Variants in NFXL1 observed in about 807,000 individuals in gnomAD.
NFXL1 encodes the protein NF-X1-type zinc finger protein NFXL1.
NFXL1 carries 66 observed loss-of-function variants against 123.3 expected under a neutral mutation model. The observed-to-expected ratio is 0.54, with a 90% CI of 0.44 to 0.66. NFXL1 has a LOEUF of 0.66. NFXL1 is among the 30% of genes least tolerant of loss of function. The pLI, the probability that NFXL1 is intolerant of heterozygous loss-of-function variation, is 0.00. For missense variants in NFXL1, 944 were observed against 1,125.6 expected (o/e 0.84, Z 2.31); for synonymous variants, 346 against 360.8 (o/e 0.96, Z 0.46).
At chr4:47,908,873 T>C (rs1328104534) in intron 3 of NFXL1, among the ~76,000 whole-genome samples, 1 of 145,654 alleles carries the variant, frequency 6.9e-6, no homozygotes, top group Admixed American at 7.2e-5. Flanking sequence ...GAGATTGGCA[T>C]GAACCCGGGT....
At chr4:47,902,235 A>C (rs1446549727) in intron 5 of NFXL1, among the ~76,000 whole-genome samples, 1 of 152,208 alleles carries the variant, frequency 6.6e-6, no homozygotes, top group East Asian at 1.9e-4. Context: ...ATTAGTTACT[A>C]AAGTTACAAA....
At chr4:47,901,463 T>TA (rs1348113850) in intron 5 of NFXL1, among the ~76,000 whole-genome samples, 2 of 151,882 alleles carry the variant, frequency 1.3e-5, no homozygotes, top group African/African-American at 4.8e-5. Flanking sequence ...AGAGCGAGGG[T>TA]AAAAAAATAT....
At position 47,856,075 on chromosome 4, in the gene NFXL1, T is replaced by C. The variant is rs76009941; in HGVS notation, c.2317-912A>G. 1.9e-3 allele frequency among the ~76,000 whole-genome samples: 289 copies of C among 152,256 alleles called. 1 individual carries two copies. Among genetic ancestry groups the C allele is most frequent in the African/African-American group, 6.5e-3 (270 of 41,574 alleles). On this transcript the variant is annotated intron_variant, in intron 19 of 22. Transcript: ENST00000507489. Reference sequence around the variant, plus strand: ...AACAATTTTTTTTAGGCACTTCATATATTTCTGTCTCTCCAACCCTAACAA... The same window carrying C: ...AACAATTTTTTTTAGGCACTTCATACATTTCTGTCTCTCCAACCCTAACAA...
At chr4:47,869,598 C>T (rs1735307377) in intron 18 of NFXL1, among the ~76,000 whole-genome samples, 1 of 151,842 alleles carries the variant, frequency 6.6e-6, no homozygotes, top group East Asian at 1.9e-4. Context: ...ATGGAATATA[C>T]CTAAAGCAAT....
intron 19 of NFXL1, among the ~76,000 whole-genome samples, chr4:47,857,042 T>C (rs1734454667): frequency 6.6e-6 from 1 of 152,206 alleles, no homozygotes; most frequent in African/African-American, 2.4e-5. Context: ...GGTAATTACA[T>C]TAGTCATTTT....
At chr4:47,874,617 T>C (rs995648098) in intron 18 of NFXL1, among the ~76,000 whole-genome samples, 1 of 152,296 alleles carries the variant, frequency 6.6e-6, no homozygotes. Flanking sequence ...AAAGCTTGAA[T>C]ATTGTGAGAA....
rs535259771 is a variant in NFXL1 at position 47,905,992 on chromosome 4, G to A, written c.407-646C>T. On this transcript the variant is annotated intron_variant, in intron 3 of 22. Transcript: ENST00000507489. ...ACACCGTACTATTAGTACTTCAATA[G>A]GATTAAATGAGCTATTATCTTCATT... Among the ~76,000 whole-genome samples, 165 of 152,252 alleles carry A rather than the reference G, an allele frequency of 1.1e-3. No individual in the cohort carries two copies. In the Middle Eastern group the frequency reaches 0.014, roughly 13 times the overall value.
intron 5 of NFXL1, among the ~76,000 whole-genome samples, chr4:47,901,187 T>C (rs1054651694): frequency 2.0e-5 from 3 of 152,224 alleles, no homozygotes; most frequent in Admixed American, 6.5e-5. Flanking sequence ...GAAACCTATA[T>C]TTTAAATTTT....
intron 18 of NFXL1, among the ~76,000 whole-genome samples, chr4:47,863,818 CAG>C (rs1487113195): frequency 6.6e-6 from 1 of 152,204 alleles, no homozygotes; most frequent in African/African-American, 2.4e-5. Context: ...TACTTTCCAA[CAG>C]ACACTGCCTA....
At chr4:47,911,590 T>G (rs1334416821) in intron 2 of NFXL1, among the ~76,000 whole-genome samples, 1 of 152,180 alleles carries the variant, frequency 6.6e-6, no homozygotes, top group Admixed American at 6.5e-5. Flanking sequence ...CTTCTTGTGG[T>G]CACACAAAAA....
rs148680283 is a variant in NFXL1, at chr4:47,910,313, C to T, written c.406+511G>A. On this transcript the variant is annotated intron_variant, in intron 3 of 22. Coordinates refer to ENST00000507489, the MANE Select transcript of NFXL1 (RefSeq NM_001278624.2). ...AACTACGCACCACTACGTACCACTGCGCTCCAGCCTGGGCAACAGAACAAG... is the reference window on the plus strand; with the variant it reads ...AACTACGCACCACTACGTACCACTGTGCTCCAGCCTGGGCAACAGAACAAG... 2.5e-3 allele frequency among the ~76,000 whole-genome samples: 377 copies of T among 152,138 alleles called. 2 individuals carry two copies. The highest frequency in any genetic ancestry group is 0.01 in the Middle Eastern group (3 of 294).
intron 3 of NFXL1, among the ~76,000 whole-genome samples, chr4:47,908,954 C>CA (rs11457014): frequency 0.47 from 42,574 of 89,940 alleles, 8,428 homozygotes; most frequent in Middle Eastern, 0.56. Context: ...GACTCCGTCG[C>CA]AAAAAAAAAA....
chr4:47,909,559 C>T lies in NFXL1; in HGVS notation c.406+1265G>A, dbSNP rs146209671. Among the ~76,000 whole-genome samples the T allele has an allele frequency of 3.2e-4, 48 of 151,790 alleles. No individual in the cohort carries two copies. In the East Asian group the frequency reaches 9.3e-3, roughly 29 times the overall value. On this transcript the variant is annotated intron_variant, in intron 3 of 22. Coordinates refer to ENST00000507489, the MANE Select transcript of NFXL1 (RefSeq NM_001278624.2). ...AGTAAGAAAAAGAACCAAGCAAGGG[C>T]ATAAATATATATTACTAATAAAAGG...
At chr4:47,903,817 A>G (rs1223967480) in intron 4 of NFXL1, among the ~76,000 whole-genome samples, 2 of 152,198 alleles carry the variant, frequency 1.3e-5, no homozygotes, top group Non-Finnish European at 2.9e-5. Flanking sequence ...TTTGTTATAT[A>G]AAACCTATTA....
At chr4:47,877,338 A>G (rs1735816653) in intron 17 of NFXL1, 1 of 352,208 alleles carries the variant, frequency 2.8e-6, no homozygotes. Flanking sequence ...TATCTTAGTT[A>G]AGAAATACAG....
chr4:47,902,335 A>G (rs1737389134), intron 5 of NFXL1, among the ~76,000 whole-genome samples: 1 of 152,194 alleles, frequency 6.6e-6, no homozygotes, highest in Admixed American at 6.5e-5. Flanking sequence ...TAAATTTCTT[A>G]TTGTCTTTAC....
intron 15 of NFXL1, 39 bp downstream of exon 15, chr4:47,884,305 GTT>G: frequency 8.3e-7 from 1 of 1,210,390 alleles, no homozygotes; most frequent in Non-Finnish European, 1.2e-6. Flanking sequence ...TATGTCAAAA[GTT>G]TTTTGTTTTT....
intron 5 of NFXL1, among the ~76,000 whole-genome samples, chr4:47,902,009 C>A (rs192517183): frequency 6.6e-6 from 1 of 152,080 alleles, no homozygotes; most frequent in Non-Finnish European, 1.5e-5. Flanking sequence ...TGGTGAAACC[C>A]CATCTCTACT....
intron 19 of NFXL1, among the ~76,000 whole-genome samples, chr4:47,860,357 T>A (rs1001191935): frequency 3.9e-5 from 6 of 152,236 alleles, no homozygotes; most frequent in Admixed American, 3.9e-4. Context: ...GAAATGCATA[T>A]GTGGGGCACA....
Sources: allele counts gnomAD v4.1 joint callset (sites outside exome capture counted in the v4.1 genomes callset), GRCh38; gene constraint gnomAD v4.1.1; transcripts MANE v1.5; gene names NCBI Gene and HGNC (gene_info 2026-07-23, HGNC 2026-07-21).